DOCK11: variants seen among roughly 807,000 people sequenced by gnomAD.
DOCK11 encodes the protein dedicator of cytokinesis 11, also known as dedicator of cytokinesis protein 11.
Under a neutral mutation model 169.1 loss-of-function variants are expected in DOCK11, and 70 were observed. The ratio of observed to expected loss-of-function variants is 0.41; its 90% CI spans 0.34 to 0.51. DOCK11 has a LOEUF of 0.51. DOCK11 is among the 20% of genes least tolerant of loss of function. DOCK11 has a pLI of 0.10. For synonymous variants in DOCK11, 529 were observed against 541.3 expected (o/e 0.98, Z 0.32); for missense variants, 1,166 against 1,538.8 (o/e 0.76, Z 4.05).
intron 1 of DOCK11, among the ~76,000 whole-genome samples, chrX:118,509,544 G>A (rs377696378): frequency 5.4e-5 from 6 of 111,870 alleles, no homozygotes; most frequent in African/African-American, 1.9e-4. Flanking sequence ...GATTATAGGC[G>A]TGAGCCACTG....
intron 48 of DOCK11, among the ~76,000 whole-genome samples, chrX:118,677,064 C>T (rs1055535955): frequency 1.8e-5 from 2 of 111,803 alleles, no homozygotes; most frequent in Non-Finnish European, 3.8e-5. Flanking sequence ...AGTATAATCA[C>T]TTTCCTGGTA....
chrX:118,561,624 T>G (rs2012913798), intron 7 of DOCK11, 107 bp downstream of exon 7: 7 of 816,251 alleles, frequency 8.6e-6, no homozygotes, highest in Non-Finnish European at 1.2e-5. Flanking sequence ...ATCCCAGCAC[T>G]TTGAGAGGCT....
chrX:118,647,930 A>G (rs868846946), intron 40 of DOCK11, among the ~76,000 whole-genome samples: 1 of 46,860 alleles, frequency 2.1e-5, no homozygotes, highest in Non-Finnish European at 3.4e-5. Context: ...TATATAATAA[A>G]TAATATATTT....
At chrX:118,614,024 G>T (rs971168268) in intron 28 of DOCK11, among the ~76,000 whole-genome samples, 3 of 111,808 alleles carry the variant, frequency 2.7e-5, no homozygotes, top group Non-Finnish European at 5.6e-5. Flanking sequence ...CATTGGGCTA[G>T]GACTTAGAGG....
chrX:118,608,180 A>T (rs747420579), intron 25 of DOCK11, 39 bp downstream of exon 25: 7 of 1,192,394 alleles, frequency 5.9e-6, no homozygotes, highest in Non-Finnish European at 7.9e-6. Context: ...AATTTGTTTT[A>T]TGTGACAATT....
intron 41 of DOCK11, among the ~76,000 whole-genome samples, chrX:118,650,010 GTT>G (rs746543503): frequency 2.1e-4 from 24 of 111,746 alleles, no homozygotes; most frequent in Non-Finnish European, 3.2e-4. Flanking sequence ...CACAGTTTAT[GTT>G]TTTCATGCTC....
At chrX:118,527,862 A>G (rs1477207243) in intron 1 of DOCK11, among the ~76,000 whole-genome samples, 1 of 112,069 alleles carries the variant, frequency 8.9e-6, no homozygotes, top group South Asian at 3.6e-4. Context: ...CCTTCCATAT[A>G]ATTTTAGTAG....
At chrX:118,500,148 A>C (rs1391164973) in intron 1 of DOCK11, among the ~76,000 whole-genome samples, 2 of 107,064 alleles carry the variant, frequency 1.9e-5, no homozygotes, top group Non-Finnish European at 3.8e-5. Flanking sequence ...TCCCGGGTTC[A>C]CGTCATTCTC....
At chrX:118,685,172 A>G (rs1603195342) in intron 52 of DOCK11, among the ~76,000 whole-genome samples, 1 of 112,241 alleles carries the variant, frequency 8.9e-6, no homozygotes, top group East Asian at 2.8e-4. Context: ...TCCAAGAAAA[A>G]TCTTCTGTAT....
In DOCK11 at chrX:118,496,325, C is replaced by A. The variant is rs940899770; in HGVS notation, c.102+252C>A. 4.5e-5 allele frequency among the ~76,000 whole-genome samples: 5 copies of A among 112,131 alleles called. No homozygotes were observed. In the South Asian group the frequency reaches 1.5e-3, roughly 33 times the overall value. On this transcript the variant is annotated intron_variant, in intron 1 of 52. Coordinates refer to ENST00000276202, the MANE Select transcript of DOCK11 (RefSeq NM_144658.4). ...CAGACGGGCAAAAGCCGGGCTCGGACGGCTGCGGAGGAGGCGGAGGCGGAG... is the reference window on the plus strand; with the variant it reads ...CAGACGGGCAAAAGCCGGGCTCGGAAGGCTGCGGAGGAGGCGGAGGCGGAG...
At chrX:118,568,369 A>ATT (rs1201244450) in intron 10 of DOCK11, among the ~76,000 whole-genome samples, 13 of 50,339 alleles carry the variant, frequency 2.6e-4, no homozygotes, top group African/African-American at 9.1e-4. Flanking sequence ...TTGGGGCTGA[A>ATT]TTATATATAT....
At chrX:118,549,965 C>T (rs1022389613) in intron 6 of DOCK11, among the ~76,000 whole-genome samples, 3 of 111,702 alleles carry the variant, frequency 2.7e-5, no homozygotes, top group African/African-American at 9.7e-5. Context: ...CCTTTATCCC[C>T]ACTCTTTTCC....
At chrX:118,563,454 C>T (rs1255637192) in intron 7 of DOCK11, among the ~76,000 whole-genome samples, 1 of 110,107 alleles carries the variant, frequency 9.1e-6, no homozygotes, top group Admixed American at 9.8e-5. Flanking sequence ...GAGATCTCAT[C>T]TCTAAAAAGA....
intron 40 of DOCK11, among the ~76,000 whole-genome samples, chrX:118,647,814 T>TATATTATTATATATAATAATATATAA (rs1569440740): frequency 2.0e-5 from 1 of 49,933 alleles, no homozygotes; most frequent in African/African-American, 9.0e-5. Context: ...ATAATATATA[T>TATATTATTATATATAATAATATATAA]TATATTATTA....
rs1319498125 is a variant in DOCK11 at position 118,588,323 on chromosome X, T to TA, written c.1980+4dup. On this transcript the variant is annotated splice_region_variant and intron_variant, in intron 17 of 52. Transcript: ENST00000276202. ...GATAGCCAGAAAACATTTGCCAAGG[T>TA]AACCATGTAAACTATACATTTTTGG... 1 of 1,170,888 alleles carries TA rather than the reference T, an allele frequency of 8.5e-7. No homozygotes were observed. The highest frequency in any genetic ancestry group is 1.1e-6 in the Non-Finnish European group (1 of 876,571).
chrX:118,516,092 TC>T (rs1159187116), intron 1 of DOCK11, among the ~76,000 whole-genome samples: 3 of 84,295 alleles, frequency 3.6e-5, no homozygotes, highest in East Asian at 3.5e-4. Flanking sequence ...CTTTTCTTTT[TC>T]TTTTTTTTTT....
At chrX:118,674,069 T>G (rs1193341725) in intron 46 of DOCK11, among the ~76,000 whole-genome samples, 1 of 112,018 alleles carries the variant, frequency 8.9e-6, no homozygotes, top group Non-Finnish European at 1.9e-5. Flanking sequence ...CTCAAACACT[T>G]CTGGTCCAAA....
chrX:118,523,542 A>G, intron 1 of DOCK11, among the ~76,000 whole-genome samples: 1 of 111,914 alleles, frequency 8.9e-6, no homozygotes, highest in South Asian at 3.7e-4. Context: ...AGAGCGAGAA[A>G]TTTCAGTTTA....
chrX:118,599,136 C>T lies in DOCK11; in HGVS notation c.2473-3C>T. On this transcript the variant is annotated splice_region_variant and splice_polypyrimidine_tract_variant and intron_variant, in intron 22 of 52. Coordinates refer to ENST00000276202, the MANE Select transcript of DOCK11 (RefSeq NM_144658.4). The stretch of plus-strand genomic sequence containing the variant: ...CATATGGCTGTTTCCATCTGTGTTC[C>T]AGGATCTGCATGTGCACAAATTCTT... The T allele has an allele frequency of 4.1e-6, 5 of 1,205,998 alleles. No individual in the cohort carries two copies. In the South Asian group the frequency reaches 7.1e-5, roughly 17 times the overall value.
Sources: allele counts gnomAD v4.1 joint callset (sites outside exome capture counted in the v4.1 genomes callset), GRCh38; gene constraint gnomAD v4.1.1; transcripts MANE v1.5; gene names NCBI Gene and HGNC (gene_info 2026-07-23, HGNC 2026-07-21).